COP1: variants seen among roughly 807,000 people sequenced by gnomAD.
The protein encoded by COP1 is E3 ubiquitin-protein ligase COP1.
COP1 carries 24 observed loss-of-function variants against 101.3 expected under a neutral mutation model. That is an observed-to-expected ratio of 0.24 (90% CI 0.17 to 0.33). The LOEUF (loss-of-function observed/expected upper bound fraction) is 0.33, where lower values mean the gene tolerates loss of function less well. COP1 is among the 10% of genes least tolerant of loss of function. The pLI is 1.00. For synonymous variants in COP1, 347 were observed against 341.9 expected, an observed-to-expected ratio of 1.01 and a Z score of -0.17; for missense variants, 663 against 906.2, an observed-to-expected ratio of 0.73 and a Z score of 3.45.
At chr1:176,205,931 T>C (rs1225407430) in intron 1 of COP1, among the ~76,000 whole-genome samples, 2 of 152,162 alleles carry the variant, frequency 1.3e-5, no homozygotes, top group Non-Finnish European at 2.9e-5. Context: ...AAGTGAAAAA[T>C]CTGTTAACAG....
intron 18 of COP1, among the ~76,000 whole-genome samples, chr1:175,953,593 A>C (rs1650228267): frequency 6.6e-6 from 1 of 152,054 alleles, no homozygotes; most frequent in African/African-American, 2.4e-5. Flanking sequence ...CCCTGTCTTA[A>C]AAAAATAAAA....
chr1:175,979,833 ATTTC>A (rs1655384591), intron 18 of COP1, among the ~76,000 whole-genome samples: 1 of 152,144 alleles, frequency 6.6e-6, no homozygotes, highest in Non-Finnish European at 1.5e-5. Context: ...CCACTTCAGC[ATTTC>A]TTTGATTCCA....
At chr1:176,113,490 G>A (rs2149578207) in intron 9 of COP1, among the ~76,000 whole-genome samples, 1 of 152,182 alleles carries the variant, frequency 6.6e-6, no homozygotes. Context: ...CATTCTGAAG[G>A]CTGTATTCAG....
chr1:176,171,172 A>C (rs1242227911), intron 3 of COP1, among the ~76,000 whole-genome samples: 3 of 151,382 alleles, frequency 2.0e-5, no homozygotes, highest in Non-Finnish European at 2.9e-5. Context: ...TCTACACTGA[A>C]AATCTGTCAT....
At chr1:176,117,085 A>G (rs1378559109) in intron 8 of COP1, among the ~76,000 whole-genome samples, 2 of 152,204 alleles carry the variant, frequency 1.3e-5, no homozygotes, top group Non-Finnish European at 2.9e-5. Flanking sequence ...CTATGCCATT[A>G]AAAAGCTATG....
At chr1:176,020,605 C>T (rs1024560281) in intron 15 of COP1, among the ~76,000 whole-genome samples, 31 of 152,022 alleles carry the variant, frequency 2.0e-4, no homozygotes, top group African/African-American at 6.0e-4. Context: ...TCTACCTGTG[C>T]GGTGGAGGCT....
rs540336094 is a variant in COP1 at position 175,992,710 on chromosome 1, G to A, written c.1730-3231C>T. 1.3e-4 allele frequency among the ~76,000 whole-genome samples: 20 copies of A among 152,362 alleles called. No homozygotes were observed. In the East Asian group the frequency reaches 3.9e-3, roughly 29 times the overall value. ...GGCTGGGGGAGGGGCACCTGCCATT[G>A]CCCAGGCTTGCTTAGGTAAACAAAG... On this transcript the variant is annotated intron_variant, in intron 15 of 19. Transcript: ENST00000367669.
rs989129419 is a variant in COP1 at position 176,168,126 on chromosome 1, C to A, written c.566-4235G>T. ...AGGCTGGAGTGCAATGGTGCGATCTCGGCTCACCGCAACCTCCGCCTCCTG... is the reference window on the plus strand; with the variant it reads ...AGGCTGGAGTGCAATGGTGCGATCTAGGCTCACCGCAACCTCCGCCTCCTG... On this transcript the variant is annotated intron_variant, in intron 3 of 19. Transcript: ENST00000367669. 2.6e-5 allele frequency among the ~76,000 whole-genome samples: 4 copies of A among 151,568 alleles called. No individual in the cohort carries two copies. The East Asian group carries it at 7.8e-4, about 30-fold the overall frequency.
chr1:176,036,977 C>T (rs1669672035), intron 14 of COP1, among the ~76,000 whole-genome samples: 1 of 152,158 alleles, frequency 6.6e-6, no homozygotes. Flanking sequence ...TCAAAAATTA[C>T]ACTCAAGAAG....
intron 15 of COP1, among the ~76,000 whole-genome samples, chr1:176,007,384 T>G (rs182873158): frequency 1.8e-4 from 28 of 152,366 alleles, no homozygotes; most frequent in African/African-American, 6.5e-4. Flanking sequence ...CCGTTGCTGG[T>G]GAGGAACTGC....
At chr1:176,106,885 G>A (rs145867849) in intron 9 of COP1, among the ~76,000 whole-genome samples, 2 of 152,300 alleles carry the variant, frequency 1.3e-5, no homozygotes, top group African/African-American at 2.4e-5. Flanking sequence ...CTCACAATTA[G>A]AGACTCCAAC....
intron 3 of COP1, among the ~76,000 whole-genome samples, chr1:176,173,809 G>A (rs1340708385): frequency 6.6e-6 from 1 of 151,372 alleles, no homozygotes; most frequent in African/African-American, 2.4e-5. Context: ...CCAACATGGT[G>A]AAACCCCGTC....
intron 8 of COP1, among the ~76,000 whole-genome samples, chr1:176,122,100 A>G (rs903468070): frequency 6.7e-6 from 1 of 148,772 alleles, no homozygotes; most frequent in South Asian, 2.1e-4. Flanking sequence ...AGATCGCGCC[A>G]CTGCACTCCA....
chr1:176,152,785 C>T (rs1333181362), intron 5 of COP1, among the ~76,000 whole-genome samples: 1 of 152,084 alleles, frequency 6.6e-6, no homozygotes, highest in East Asian at 1.9e-4. Context: ...TGTGTGTTTC[C>T]CCTACTTGGG....
intron 3 of COP1, among the ~76,000 whole-genome samples, chr1:176,172,618 A>G (rs949269620): frequency 2.6e-5 from 4 of 152,232 alleles, no homozygotes; most frequent in Non-Finnish European, 4.4e-5. Flanking sequence ...CCAGGCTAAG[A>G]GGAAATCTGA....
chr1:176,073,288 T>C (rs1295887730), intron 11 of COP1, among the ~76,000 whole-genome samples: 6 of 152,188 alleles, frequency 3.9e-5, no homozygotes, highest in East Asian at 3.8e-4. Flanking sequence ...AATGCCACCA[T>C]AGATAACTAT....
At chr1:176,001,033 C>T (rs1053619574) in intron 15 of COP1, among the ~76,000 whole-genome samples, 50 of 152,012 alleles carry the variant, frequency 3.3e-4, no homozygotes, top group African/African-American at 1.2e-3. Context: ...TGTTCATCAA[C>T]AATTTTAGAA....
intron 15 of COP1, among the ~76,000 whole-genome samples, chr1:176,008,582 A>G (rs1054128864): frequency 3.9e-5 from 6 of 152,228 alleles, no homozygotes; most frequent in Admixed American, 1.3e-4. Flanking sequence ...TTACAAATAT[A>G]TAAGCCCTAT....
intron 3 of COP1, among the ~76,000 whole-genome samples, chr1:176,171,291 A>G (rs1403979308): frequency 6.6e-6 from 1 of 152,054 alleles, no homozygotes; most frequent in East Asian, 1.9e-4. Flanking sequence ...TGTTATGGAG[A>G]TGGCTGTTTT....
Sources: gnomAD v4.1 joint callset for allele counts (sites outside exome capture counted in the v4.1 genomes callset) on GRCh38, gnomAD v4.1.1 for gene constraint, MANE v1.5 for transcripts, NCBI Gene and HGNC (gene_info 2026-07-23, HGNC 2026-07-21) for gene names.